The following METTL24 variants were observed in gnomAD, a reference collection of about 807,000 sequenced individuals.
METTL24 encodes the protein probable methyltransferase-like protein 24.
METTL24 carries 29 observed loss-of-function variants against 32.7 expected under a neutral mutation model. That is an observed-to-expected ratio of 0.89 (90% CI 0.66 to 1.21). The LOEUF is 1.21. Ranked by LOEUF, METTL24 falls within the 50% of genes most tolerant of loss-of-function variation. METTL24 has a pLI of 0.00. For synonymous variants in METTL24, 163 were observed against 179.5 expected (o/e 0.91, Z 0.73); for missense variants, 439 against 468.1 (o/e 0.94, Z 0.57).
At position 110,322,795 on chromosome 6, in the gene METTL24, C is replaced by T; in HGVS notation, c.396G>A (p.Leu132=). 4 of 1,613,836 alleles carry T rather than the reference C, an allele frequency of 2.5e-6. No homozygotes were observed. Among genetic ancestry groups the T allele is most frequent in the Non-Finnish European group, 3.4e-6 (4 of 1,179,828 alleles). The change falls in exon 2 of 5, where the codon CTG becomes CTA. Residue 132 remains leucine (L), a synonymous_variant. Transcript: ENST00000338882. The part of the protein sequence containing the change: ...QSLDEEAWRF[L]RYISTTQIAC... The stretch of plus-strand genomic sequence containing the variant: ...CAACCTGGGTGGTGCTGATATATCT[C>T]AGGAACCTCCAGGCTTCTTCATCCA...
At chr6:110,295,968 CA>C (rs1199405785) in intron 4 of METTL24, among the ~76,000 whole-genome samples, 1 of 151,784 alleles carries the variant, frequency 6.6e-6, no homozygotes, top group African/African-American at 2.4e-5. Context: ...ACCTACTTCT[CA>C]AAAAAAACCC....
Position 110,267,998 on chromosome 6 carries a change from G to A in METTL24, c.787-21738C>T, listed in dbSNP as rs535651272. On this transcript the variant is annotated intron_variant, in intron 4 of 4. Coordinates refer to ENST00000338882, the MANE Select transcript of METTL24 (RefSeq NM_001123364.3). Reference sequence around the variant, plus strand: ...AGGCATCCACCCCCATGATCCAAACGCCTCACACCAGGTCCTACCTGCAAC... The same window carrying A: ...AGGCATCCACCCCCATGATCCAAACACCTCACACCAGGTCCTACCTGCAAC... Among the ~76,000 whole-genome samples, 3 of 152,172 alleles carry A rather than the reference G, an allele frequency of 2.0e-5. No individual in the cohort carries two copies. The East Asian group carries it at 5.8e-4, about 29-fold the overall frequency.
At chr6:110,288,779 G>A (rs1771269264) in intron 4 of METTL24, among the ~76,000 whole-genome samples, 1 of 152,162 alleles carries the variant, frequency 6.6e-6, no homozygotes, top group South Asian at 2.1e-4. Context: ...TCTTAAAGTA[G>A]GTGGCAGTGG....
chr6:110,286,204 C>T (rs1198782785), intron 4 of METTL24, among the ~76,000 whole-genome samples: 1 of 152,128 alleles, frequency 6.6e-6, no homozygotes, highest in Non-Finnish European at 1.5e-5. Context: ...AGGCTCCTGA[C>T]CCCCGTCTTG....
At chr6:110,328,391 A>G (rs1245165892) in intron 1 of METTL24, among the ~76,000 whole-genome samples, 1 of 152,250 alleles carries the variant, frequency 6.6e-6, no homozygotes, top group African/African-American at 2.4e-5. Context: ...AATTCAGATT[A>G]AGGACAGCAG....
chr6:110,255,366 C>T (rs1037086829), intron 4 of METTL24, among the ~76,000 whole-genome samples: 1 of 152,050 alleles, frequency 6.6e-6, no homozygotes, highest in Non-Finnish European at 1.5e-5. Flanking sequence ...TGATAGAATA[C>T]ACAGCCTAGA....
intron 1 of METTL24, among the ~76,000 whole-genome samples, chr6:110,353,794 G>A (rs1031748399): frequency 6.6e-6 from 1 of 152,052 alleles, no homozygotes; most frequent in African/African-American, 2.4e-5. Context: ...CTTTTAGGTG[G>A]ATTGCCAACC....
At chr6:110,327,393 T>A (rs1430845202) in intron 1 of METTL24, among the ~76,000 whole-genome samples, 1 of 152,212 alleles carries the variant, frequency 6.6e-6, no homozygotes, top group African/African-American at 2.4e-5. Flanking sequence ...AGTATTCTTC[T>A]TGCAACCTAA....
chr6:110,316,793 G>A (rs527265327), intron 2 of METTL24, among the ~76,000 whole-genome samples: 1 of 152,066 alleles, frequency 6.6e-6, no homozygotes, highest in Non-Finnish European at 1.5e-5. Flanking sequence ...CTATTCAGGG[G>A]GGTTGATTAA....
intron 2 of METTL24, among the ~76,000 whole-genome samples, chr6:110,320,832 T>C (rs2114752847): frequency 6.6e-6 from 1 of 152,122 alleles, no homozygotes; most frequent in East Asian, 1.9e-4. Context: ...AGGGGGACCT[T>C]AGAAATAATT....
rs1202951882 is a variant in METTL24, at chr6:110,246,256, TC to T, written c.790del (p.Asp264ThrfsTer61). ...ILNEFGHHKI[D>X]VLKADLESAE... ...ACTTTCCAGATCTGCCTTGAGAACG[TC>T]AATCTGTAACAAAGCAATGAAATGA... On this transcript the variant is annotated frameshift_variant, in exon 5 of 5. Coordinates refer to ENST00000338882, the MANE Select transcript of METTL24 (RefSeq NM_001123364.3). LOFTEE classifies it high-confidence loss of function. The T allele has an allele frequency of 3.1e-6, 5 of 1,603,398 alleles. No individual in the cohort carries two copies. The highest frequency in any genetic ancestry group is 4.3e-6 in the Non-Finnish European group (5 of 1,174,034).
chr6:110,314,364 G>A (rs1015030888), intron 3 of METTL24, among the ~76,000 whole-genome samples: 4 of 151,896 alleles, frequency 2.6e-5, no homozygotes, highest in Non-Finnish European at 5.9e-5. Context: ...TATATCATTC[G>A]TAAGTTCAGA....
intron 4 of METTL24, among the ~76,000 whole-genome samples, chr6:110,254,801 T>C (rs17071348): frequency 0.072 from 10,915 of 152,280 alleles, 577 homozygotes; most frequent in African/African-American, 0.16. Flanking sequence ...CTTTTTAGTC[T>C]ACTGGTGAAA....
intron 1 of METTL24, among the ~76,000 whole-genome samples, chr6:110,334,544 G>A (rs766247348): frequency 1.3e-5 from 2 of 152,128 alleles, no homozygotes; most frequent in Admixed American, 6.5e-5. Context: ...TCTGAGACAG[G>A]ACAAAAGCAA....
chr6:110,297,150 C>T (rs1303821829), intron 4 of METTL24, among the ~76,000 whole-genome samples: 1 of 152,130 alleles, frequency 6.6e-6, no homozygotes, highest in Non-Finnish European at 1.5e-5. Flanking sequence ...AAATAAGTAA[C>T]CTTAGAAACA....
intron 4 of METTL24, among the ~76,000 whole-genome samples, chr6:110,290,793 C>A (rs1771304918): frequency 6.6e-6 from 1 of 152,116 alleles, no homozygotes; most frequent in Non-Finnish European, 1.5e-5. Flanking sequence ...AAATTGTCAA[C>A]CTCTTTTCCT....
chr6:110,298,970 G>A lies in METTL24; in HGVS notation c.738C>T (p.Ser246=). ...AAATGCTTCCCAGTTTTCTGGTGTT[G>A]CTATGTGGTTTTTGGGCAGCAACAG... ...HPAVAAQKPH[S]NTRKLGSILN... The change falls in exon 4 of 5, where the codon AGC becomes AGT. Residue 246 remains serine (S), a synonymous_variant. Coordinates refer to ENST00000338882, the MANE Select transcript of METTL24 (RefSeq NM_001123364.3). The A allele has an allele frequency of 6.2e-7, 1 of 1,614,152 alleles. No individual in the cohort carries two copies. The highest frequency in any genetic ancestry group is 8.5e-7 in the Non-Finnish European group (1 of 1,180,026).
chr6:110,298,092 T>C (rs1771453022), intron 4 of METTL24, among the ~76,000 whole-genome samples: 1 of 152,228 alleles, frequency 6.6e-6, no homozygotes, highest in East Asian at 1.9e-4. Flanking sequence ...AGTTTAAAAT[T>C]GAGTCTCAGG....
chr6:110,278,311 C>T (rs1276280501), intron 4 of METTL24, among the ~76,000 whole-genome samples: 1 of 152,188 alleles, frequency 6.6e-6, no homozygotes, highest in African/African-American at 2.4e-5. Flanking sequence ...TCACTTTTTA[C>T]ACGAAAGCTA....
Sources: allele counts gnomAD v4.1 joint callset (sites outside exome capture counted in the v4.1 genomes callset), GRCh38; gene constraint gnomAD v4.1.1; transcripts MANE v1.5; gene names NCBI Gene and HGNC (gene_info 2026-07-23, HGNC 2026-07-21).